Variants in HDAC9 observed in about 807,000 individuals in gnomAD.
HDAC9 encodes the protein MEF-2 interacting transcription repressor (MITR) protein.
A neutral mutation model predicts 139.4 loss-of-function variants in HDAC9; 41 were observed. The ratio of observed to expected loss-of-function variants is 0.29; its 90% CI spans 0.23 to 0.38. HDAC9 has a LOEUF of 0.38. Ranked by LOEUF, HDAC9 falls within the 10% of genes least tolerant of loss-of-function variation. The pLI, the probability that HDAC9 is intolerant of heterozygous loss-of-function variation, is 1.00. For missense variants in HDAC9, 1,147 were observed against 1,297.0 expected, an observed-to-expected ratio of 0.88 and a Z score of 1.78; for synonymous variants, 517 against 476.2, an observed-to-expected ratio of 1.09 and a Z score of -1.12.
At chr7:18,572,656 G>C (rs1053695082) in intron 2 of HDAC9, among the ~76,000 whole-genome samples, 1 of 151,914 alleles carries the variant, frequency 6.6e-6, no homozygotes, top group Non-Finnish European at 1.5e-5. Flanking sequence ...ATCTTCTCAA[G>C]ATTTCATTTT....
intron 14 of HDAC9, among the ~76,000 whole-genome samples, chr7:18,754,150 C>T (rs1172782264): frequency 1.3e-5 from 2 of 152,048 alleles, no homozygotes; most frequent in African/African-American, 4.8e-5. Flanking sequence ...TCCTTCATGC[C>T]AATACCACTT....
At chr7:18,229,262 T>C (rs116256612) in intron 2 of HDAC9, among the ~76,000 whole-genome samples, 2,185 of 152,348 alleles carry the variant, frequency 0.014, 56 homozygotes, top group African/African-American at 0.049. Flanking sequence ...GTAATGCCAC[T>C]GTGTCACATA....
At chr7:18,381,198 C>CAAAAA (rs60825586) in intron 1 of HDAC9, among the ~76,000 whole-genome samples, 14 of 73,314 alleles carry the variant, frequency 1.9e-4, no homozygotes, top group South Asian at 6.4e-4. Flanking sequence ...GACTCTGTCT[C>CAAAAA]AAAAAAAAAA....
At chr7:18,889,134 C>T (rs1192612923) in intron 22 of HDAC9, among the ~76,000 whole-genome samples, 1 of 152,104 alleles carries the variant, frequency 6.6e-6, no homozygotes, top group Non-Finnish European at 1.5e-5. Flanking sequence ...ACCCTTTTTT[C>T]ACTATTCTGC....
intron 1 of HDAC9, among the ~76,000 whole-genome samples, chr7:18,103,710 ACT>A (rs1783003198): frequency 6.6e-6 from 1 of 152,182 alleles, no homozygotes; most frequent in South Asian, 2.1e-4. Context: ...CAAGGAAACC[ACT>A]GTTACCACAG....
At chr7:18,300,910 A>T (rs1192360416) in intron 1 of HDAC9, among the ~76,000 whole-genome samples, 2 of 152,188 alleles carry the variant, frequency 1.3e-5, no homozygotes, top group Non-Finnish European at 2.9e-5. Context: ...CATGGATTCT[A>T]GTTAATACAG....
At chr7:18,699,383 C>T (rs62446572) in intron 12 of HDAC9, among the ~76,000 whole-genome samples, 5,379 of 151,334 alleles carry the variant, frequency 0.036, 159 homozygotes, top group Non-Finnish European at 0.053. Flanking sequence ...TGTGCGTGTA[C>T]GTGTGTTTGT....
intron 1 of HDAC9, among the ~76,000 whole-genome samples, chr7:18,140,099 C>T (rs980798874): frequency 1.3e-5 from 2 of 152,128 alleles, no homozygotes; most frequent in Non-Finnish European, 2.9e-5. Flanking sequence ...TGATGAAAGC[C>T]ATGGCTAGAT....
chr7:18,976,035 T>G (rs892547100), intron 25 of HDAC9, 82 bp downstream of exon 25: 2 of 1,414,180 alleles, frequency 1.4e-6, no homozygotes, highest in Non-Finnish European at 1.9e-6. Context: ...CCTCCTGGCT[T>G]TCCTTCACCT....
intron 1 of HDAC9, among the ~76,000 whole-genome samples, chr7:18,104,597 C>T (rs1783078866): frequency 6.6e-6 from 1 of 152,090 alleles, no homozygotes; most frequent in South Asian, 2.1e-4. Flanking sequence ...GAAAAGACTC[C>T]CTATACCATT....
At chr7:18,504,568 C>T (rs1021993365) in intron 2 of HDAC9, among the ~76,000 whole-genome samples, 1 of 152,202 alleles carries the variant, frequency 6.6e-6, no homozygotes, top group African/African-American at 2.4e-5. Flanking sequence ...GCCTCCCAAA[C>T]TGCTGGAATT....
At chr7:18,389,103 T>C (rs10950700) in intron 1 of HDAC9, among the ~76,000 whole-genome samples, 31,956 of 152,128 alleles carry the variant, frequency 0.21, 3,565 homozygotes, top group Non-Finnish European at 0.23. Context: ...TTACTGAATG[T>C]TTTTTCATTG....
At chr7:18,585,758 A>T (rs78694665) in intron 3 of HDAC9, among the ~76,000 whole-genome samples, 1 of 152,122 alleles carries the variant, frequency 6.6e-6, no homozygotes, top group Non-Finnish European at 1.5e-5. Flanking sequence ...AATAGCAGGG[A>T]ATAGTAACTT....
intron 1 of HDAC9, among the ~76,000 whole-genome samples, chr7:18,330,994 G>A (rs1253840435): frequency 6.6e-6 from 1 of 151,660 alleles, no homozygotes; most frequent in African/African-American, 2.4e-5. Flanking sequence ...AGTAATACAT[G>A]AATACAATTT....
chr7:18,775,614 G>A (rs1790696708), intron 16 of HDAC9, among the ~76,000 whole-genome samples: 1 of 151,530 alleles, frequency 6.6e-6, no homozygotes, highest in Non-Finnish European at 1.5e-5. Context: ...AAATAAGCAT[G>A]TACTGTCCAA....
intron 11 of HDAC9, among the ~76,000 whole-genome samples, chr7:18,665,976 A>G (rs1794750949): frequency 6.6e-6 from 1 of 152,128 alleles, no homozygotes; most frequent in Admixed American, 6.6e-5. Context: ...AAAAGAAAAA[A>G]CAATCCAACA....
intron 6 of HDAC9, among the ~76,000 whole-genome samples, chr7:18,598,539 A>T (rs978779242): frequency 2.6e-5 from 4 of 152,210 alleles, no homozygotes; most frequent in African/African-American, 9.6e-5. Flanking sequence ...TCAAATGAGG[A>T]TAATAATTGC....
chr7:18,664,146 TAAAGA>T (rs1278736722), intron 11 of HDAC9, among the ~76,000 whole-genome samples: 6 of 152,144 alleles, frequency 3.9e-5, no homozygotes, highest in Non-Finnish European at 7.4e-5. Flanking sequence ...TACTATGTAT[TAAAGA>T]AAAGAAGAGC....
intron 21 of HDAC9, among the ~76,000 whole-genome samples, chr7:18,867,322 G>C (rs1272766927): frequency 6.6e-6 from 1 of 152,110 alleles, no homozygotes; most frequent in Admixed American, 6.6e-5. Flanking sequence ...TCCTACGATG[G>C]CATATCCAGT....
Sources: allele counts gnomAD v4.1 joint callset (sites outside exome capture counted in the v4.1 genomes callset), GRCh38; gene constraint gnomAD v4.1.1; transcripts MANE v1.5; gene names NCBI Gene and HGNC (gene_info 2026-07-23, HGNC 2026-07-21).